Variants in METTL25 observed in about 807,000 individuals in gnomAD.
METTL25 encodes the protein methyltransferase like 25, also known as probable methyltransferase-like protein 25.
In METTL25, 64 loss-of-function variants were observed where a neutral mutation model predicts 71.6. That is an observed-to-expected ratio of 0.89 (90% CI 0.73 to 1.10). The LOEUF (loss-of-function observed/expected upper bound fraction) is 1.10, where lower values mean the gene tolerates loss of function less well. Ranked by LOEUF, METTL25 falls within the 50% of genes least tolerant of loss-of-function variation. METTL25 has a pLI of 0.00. For missense variants in METTL25, 807 were observed against 707.0 expected (o/e 1.14, Z -1.60); for synonymous variants, 287 against 250.3 (o/e 1.15, Z -1.38).
chr12:82,465,089 C>G (rs1892141750), intron 9 of METTL25, among the ~76,000 whole-genome samples: 1 of 151,724 alleles, frequency 6.6e-6, no homozygotes. Flanking sequence ...TTTGGATGTC[C>G]TTTATTTCTT....
At chr12:82,395,210 T>G (rs535372137) in intron 3 of METTL25, among the ~76,000 whole-genome samples, 1 of 152,182 alleles carries the variant, frequency 6.6e-6, no homozygotes, top group South Asian at 2.1e-4. Flanking sequence ...CTTTGCAAAA[T>G]TAGCTCCTAT....
intron 5 of METTL25, among the ~76,000 whole-genome samples, chr12:82,416,854 T>C (rs1439948477): frequency 6.6e-6 from 1 of 152,140 alleles, no homozygotes; most frequent in East Asian, 1.9e-4. Flanking sequence ...TAGTGTTTAA[T>C]ACACCTTTTA....
intron 1 of METTL25, among the ~76,000 whole-genome samples, chr12:82,383,559 T>A (rs1884661611): frequency 6.6e-6 from 1 of 152,146 alleles, no homozygotes. Flanking sequence ...AAAGGTAAAG[T>A]GCTTAGCACA....
chr12:82,410,208 T>A (rs1377653140), intron 5 of METTL25, among the ~76,000 whole-genome samples: 2 of 152,124 alleles, frequency 1.3e-5, no homozygotes, highest in Non-Finnish European at 2.9e-5. Context: ...CTATATATGG[T>A]ACTAAAACTG....
chr12:82,388,261 C>T, intron 2 of METTL25, among the ~76,000 whole-genome samples: 1 of 151,942 alleles, frequency 6.6e-6, no homozygotes, highest in East Asian at 1.9e-4. Context: ...TGGAGTTCTC[C>T]ATTGTAAAAG....
At chr12:82,407,699 G>C in intron 5 of METTL25, 2 of 415,270 alleles carry the variant, frequency 4.8e-6, no homozygotes, top group Non-Finnish European at 6.5e-6. Flanking sequence ...CGTATGCAAC[G>C]TGAGTACCCT....
chr12:82,380,122 C>T (rs184388534), intron 1 of METTL25, among the ~76,000 whole-genome samples: 87 of 152,178 alleles, frequency 5.7e-4, no homozygotes, highest in African/African-American at 1.3e-3. Flanking sequence ...TTCTAGGCTG[C>T]GTGTTAGGAA....
intron 8 of METTL25, among the ~76,000 whole-genome samples, chr12:82,441,174 A>G (rs1222060808): frequency 6.6e-6 from 1 of 151,962 alleles, no homozygotes; most frequent in Admixed American, 6.6e-5. Flanking sequence ...CCCATTTTGA[A>G]TTATCTCAAG....
At chr12:82,368,482 G>A (rs370169828) in intron 1 of METTL25, among the ~76,000 whole-genome samples, 14 of 152,018 alleles carry the variant, frequency 9.2e-5, no homozygotes, top group South Asian at 2.1e-4. Flanking sequence ...GGATATATCC[G>A]TTTCCTCTAG....
At chr12:82,429,373 AG>A (rs1565858572) in intron 5 of METTL25, among the ~76,000 whole-genome samples, 1 of 22,540 alleles carries the variant, frequency 4.4e-5, no homozygotes, top group Non-Finnish European at 9.2e-5. Flanking sequence ...CTGCAAATGT[AG>A]GGTTTTTTTT....
chr12:82,360,973 G>C (rs1881779713), intron 1 of METTL25, among the ~76,000 whole-genome samples: 1 of 152,208 alleles, frequency 6.6e-6, no homozygotes, highest in Non-Finnish European at 1.5e-5. Context: ...CACAAACGCA[G>C]TGTGGACCCA....
intron 9 of METTL25, among the ~76,000 whole-genome samples, chr12:82,468,281 A>G (rs749713695): frequency 1.3e-5 from 2 of 152,170 alleles, no homozygotes; most frequent in Non-Finnish European, 2.9e-5. Context: ...TTTCAAATAT[A>G]CTTCTAAGTA....
chr12:82,419,433 T>C (rs1468710690), intron 5 of METTL25, among the ~76,000 whole-genome samples: 2 of 152,108 alleles, frequency 1.3e-5, no homozygotes, highest in Admixed American at 1.3e-4. Context: ...AGAACCCTTT[T>C]TCTGGATTGA....
Position 82,447,149 on chromosome 12 carries a change from A to G in METTL25, c.1478+8358A>G, listed in dbSNP as rs546905215. 1.7e-3 allele frequency among the ~76,000 whole-genome samples: 253 copies of G among 152,286 alleles called. 2 individuals carry two copies. The highest frequency in any genetic ancestry group is 0.013 in the South Asian group (64 of 4,830). ...ATAAATAAAATTGAGACTGAAAAAA[A>G]ACCCACGGAAGATCAATGAAATGAA... On this transcript the variant is annotated intron_variant, in intron 8 of 11. Transcript: ENST00000248306.
intron 1 of METTL25, among the ~76,000 whole-genome samples, chr12:82,361,584 G>T (rs572322403): frequency 5.9e-5 from 9 of 152,296 alleles, no homozygotes; most frequent in Non-Finnish European, 4.4e-5. Context: ...GCTGAGGCCC[G>T]GTGAGAATTC....
rs574306275 is a variant in METTL25 at position 82,358,733 on chromosome 12, G to C, written c.168G>C (p.Glu56Asp). ...VWEELVDLPP[E>D]TVLAALRKSA... ...AGGAGCTGGTCGACTTGCCACCGGA[G>C]ACAGTGCTGGCTGCGCTGAGGAAGT... Residue 56 changes from glutamate to aspartate, a missense_variant, in exon 1 of 12, where the codon GAG (glutamate) becomes GAC (aspartate). Glu to Asp is a conservative substitution (Grantham distance 45, BLOSUM62 2). Transcript: ENST00000248306. 9 of 1,614,174 alleles carry C rather than the reference G, an allele frequency of 5.6e-6. No individual in the cohort carries two copies. In the South Asian group the frequency reaches 7.7e-5, roughly 14 times the overall value.
chr12:82,424,191 G>A (rs1422427558), intron 5 of METTL25, among the ~76,000 whole-genome samples: 4 of 152,108 alleles, frequency 2.6e-5, no homozygotes, highest in African/African-American at 9.7e-5. Flanking sequence ...ACACACCATG[G>A]AATACTCTGC....
rs778639559 is a variant in METTL25, at chr12:82,402,974, A to G, written c.1132-9A>G. 6.4e-7 allele frequency: 1 copy of G among 1,571,280 alleles called. No individual in the cohort carries two copies. The highest frequency in any genetic ancestry group is 8.6e-7 in the Non-Finnish European group (1 of 1,163,968). ...TACCAAATTTTATTTTTCTTCTTGT[A>G]TTTTAAAGGATTGTTTGATGGTGGG... On this transcript the variant is annotated splice_polypyrimidine_tract_variant and intron_variant, in intron 4 of 11. Transcript: ENST00000248306.
In METTL25 at chr12:82,479,149, AAAT is replaced by A. The variant is rs1376348415; in HGVS notation, c.*129_*131del. 1 of 618,298 alleles carries A rather than the reference AAAT, an allele frequency of 1.6e-6. No individual in the cohort carries two copies. Among genetic ancestry groups the A allele is most frequent in the Admixed American group, 2.8e-5 (1 of 35,820 alleles). 38.3% of individuals were successfully genotyped at this position (618,298 alleles called of 1,614,324 possible). On this transcript the variant is annotated 3_prime_UTR_variant, in exon 12 of 12. Coordinates refer to ENST00000248306, the MANE Select transcript of METTL25 (RefSeq NM_032230.3). Reference sequence around the variant, plus strand: ...TGACTGTTATGTATTTTAAATAATAAAATAATGGCTAACAACAGAAGGTTATAA... The same window carrying A: ...TGACTGTTATGTATTTTAAATAATAAAATGGCTAACAACAGAAGGTTATAA...
Sources: allele counts gnomAD v4.1 joint callset (sites outside exome capture counted in the v4.1 genomes callset), GRCh38; gene constraint gnomAD v4.1.1; transcripts MANE v1.5; gene names NCBI Gene and HGNC (gene_info 2026-07-23, HGNC 2026-07-21).